Variants in SPECC1 observed in about 807,000 individuals in gnomAD.
The protein encoded by SPECC1 is sperm antigen with calponin homology and coiled-coil domains 1, also known as cytospin-B.
SPECC1 carries 62 observed loss-of-function variants against 104.1 expected under a neutral mutation model. The ratio of observed to expected loss-of-function variants is 0.60; its 90% CI spans 0.49 to 0.74. SPECC1 has a LOEUF of 0.74. Among genes scored for constraint, SPECC1 ranks in the 30% least tolerant of loss-of-function variants. The probability of loss-of-function intolerance (pLI) is 0.00; values close to 1 mark genes in which losing one functional copy is unlikely to be tolerated. For missense variants in SPECC1, 1,306 were observed against 1,310.5 expected, an observed-to-expected ratio of 1.00 and a Z score of 0.05; for synonymous variants, 513 against 501.6, an observed-to-expected ratio of 1.02 and a Z score of -0.30.
At chr17:20,061,974 T>C (rs2046199254) in intron 1 of SPECC1, among the ~76,000 whole-genome samples, 2 of 152,182 alleles carry the variant, frequency 1.3e-5, no homozygotes, top group Non-Finnish European at 2.9e-5. Flanking sequence ...TCAAATTATT[T>C]TGTGGCCGGG....
At chr17:20,296,848 T>C (rs1160025226) in intron 12 of SPECC1, 113 bp from the exon 13 acceptor site, 2 of 949,844 alleles carry the variant, frequency 2.1e-6, no homozygotes, top group African/African-American at 3.2e-5. Flanking sequence ...GGAATGCTTG[T>C]GATTTTTGCA....
At chr17:20,125,361 C>T (rs888308138) in intron 3 of SPECC1, among the ~76,000 whole-genome samples, 1 of 152,138 alleles carries the variant, frequency 6.6e-6, no homozygotes, top group African/African-American at 2.4e-5. Flanking sequence ...ATCATAAGTT[C>T]GGAACTGTCT....
intron 1 of SPECC1, among the ~76,000 whole-genome samples, chr17:20,025,055 C>T (rs542675692): frequency 1.3e-5 from 2 of 152,336 alleles, no homozygotes; most frequent in Admixed American, 6.5e-5. Context: ...AGTCAGTGTT[C>T]CCTCTTCCCT....
chr17:20,298,714 G>A (rs962302852), intron 13 of SPECC1, among the ~76,000 whole-genome samples: 9 of 152,066 alleles, frequency 5.9e-5, no homozygotes, highest in African/African-American at 2.2e-4. Flanking sequence ...AGGAGGAGAG[G>A]AAGGAGTCAA....
At chr17:20,042,141 TAGA>T (rs1025880300) in intron 1 of SPECC1, among the ~76,000 whole-genome samples, 1 of 152,210 alleles carries the variant, frequency 6.6e-6, no homozygotes, top group African/African-American at 2.4e-5. Flanking sequence ...ACCATTGTAG[TAGA>T]AGAAGGGGGA....
In SPECC1 at chr17:20,315,033, A is replaced by G. The variant is rs2042022327; in HGVS notation, c.*968A>G. 2 of 232,348 alleles carry G rather than the reference A, an allele frequency of 8.6e-6. No individual in the cohort carries two copies. The highest frequency in any genetic ancestry group is 6.1e-5 in the East Asian group (1 of 16,476). The allele number at this position is 232,348 out of a possible 1,614,324, so 14.4% of individuals were successfully genotyped here. On this transcript the variant is annotated 3_prime_UTR_variant, in exon 15 of 15. Transcript: ENST00000395527. ...TCGTCACCTGCGCCTTTGTCCTCCC[A>G]TTCGTTTACCCTCCCGTTCACATCC...
rs534346787 is a variant in SPECC1 at position 20,259,098 on chromosome 17, A to G, written c.2838-1094A>G. On this transcript the variant is annotated intron_variant, in intron 11 of 14. Coordinates refer to ENST00000395527, the MANE Select transcript of SPECC1 (RefSeq NM_001243439.2). ...TTTAATAAATCTTATAATCACAAAT[A>G]TGGGTATTATAGAAGGATTTATAAA... Among the ~76,000 whole-genome samples the G allele has an allele frequency of 8.4e-4, 128 of 152,362 alleles. 1 individual carries two copies. The highest frequency in any genetic ancestry group is 2.1e-4 in the South Asian group (1 of 4,822).
chr17:20,124,786 AATC>A (rs914750847), intron 3 of SPECC1, among the ~76,000 whole-genome samples: 2 of 152,204 alleles, frequency 1.3e-5, no homozygotes, highest in Non-Finnish European at 2.9e-5. Context: ...ATTTGGGCAA[AATC>A]ATCTAACACA....
At chr17:20,151,455 A>T (rs915929421) in intron 3 of SPECC1, among the ~76,000 whole-genome samples, 1 of 152,212 alleles carries the variant, frequency 6.6e-6, no homozygotes, top group African/African-American at 2.4e-5. Context: ...TCAGTTTACA[A>T]TGGGTTATTG....
rs550231103 is a variant in SPECC1 at position 20,037,329 on chromosome 17, T to G, written c.-22+27905T>G. ...ACCCTGCCTGGCTAATTTTTGTATTTTAGTAGAGACAGGGTTTTACCATGT... is the reference window on the plus strand; with the variant it reads ...ACCCTGCCTGGCTAATTTTTGTATTGTAGTAGAGACAGGGTTTTACCATGT... On this transcript the variant is annotated intron_variant, in intron 1 of 14. Coordinates refer to ENST00000395527, the MANE Select transcript of SPECC1 (RefSeq NM_001243439.2). Among the ~76,000 whole-genome samples, 9 of 152,210 alleles carry G rather than the reference T, an allele frequency of 5.9e-5. 1 individual carries two copies. In the South Asian group the frequency reaches 1.9e-3, roughly 32 times the overall value.
rs2042069090 is a variant in SPECC1 at position 20,318,709 on chromosome 17, C to T, written c.*4644C>T. ...ACATGCAGTAAAGGACATAACCTCACAGCCTTTTTAGAAGCATTTCGAATA... is the reference window on the plus strand; with the variant it reads ...ACATGCAGTAAAGGACATAACCTCATAGCCTTTTTAGAAGCATTTCGAATA... On this transcript the variant is annotated 3_prime_UTR_variant, in exon 15 of 15. Transcript: ENST00000395527. 1.3e-5 allele frequency: 3 copies of T among 225,406 alleles called. No individual in the cohort carries two copies. Among genetic ancestry groups the T allele is most frequent in the African/African-American group, 6.7e-5 (3 of 45,028 alleles). 14.0% of individuals were successfully genotyped at this position (225,406 alleles called of 1,614,324 possible). A position where few individuals can be genotyped will look rare whatever the true frequency, so the allele number is the denominator to read the frequency against.
intron 3 of SPECC1, among the ~76,000 whole-genome samples, chr17:20,140,160 A>T (rs1971044): frequency 0.19 from 29,501 of 152,166 alleles, 3,048 homozygotes; most frequent in African/African-American, 0.26. Context: ...ACCTAAAAAA[A>T]TTAAACTATA....
intron 3 of SPECC1, among the ~76,000 whole-genome samples, chr17:20,201,080 T>TA (rs2036399716): frequency 6.6e-6 from 1 of 151,932 alleles, no homozygotes; most frequent in South Asian, 2.1e-4. Flanking sequence ...AGGAAGGTGT[T>TA]AAACTGTAGC....
intron 3 of SPECC1, among the ~76,000 whole-genome samples, chr17:20,113,428 CT>C (rs1383340572): frequency 6.6e-6 from 1 of 151,968 alleles, no homozygotes; most frequent in Non-Finnish European, 1.5e-5. Context: ...ATTGTAAAAA[CT>C]TTACGAAAAC....
At position 20,172,693 on chromosome 17, in the gene SPECC1, A is replaced by G. The variant is rs536736387; in HGVS notation, c.284-31640A>G. ...AGAGTGAGGACTGAAGCCAGGGGGA[A>G]GAAACATGGAAGTGTGCTGTAAGCT... On this transcript the variant is annotated intron_variant, in intron 3 of 14. Coordinates refer to ENST00000395527, the MANE Select transcript of SPECC1 (RefSeq NM_001243439.2). 5.1e-4 allele frequency among the ~76,000 whole-genome samples: 78 copies of G among 152,304 alleles called. 2 individuals are homozygous for G. The South Asian group carries it at 0.015, about 29-fold the overall frequency.
At chr17:20,217,804 C>G (rs989279005) in intron 4 of SPECC1, among the ~76,000 whole-genome samples, 5 of 152,270 alleles carry the variant, frequency 3.3e-5, no homozygotes, top group Non-Finnish European at 7.4e-5. Flanking sequence ...AATCCCAGCA[C>G]TTGGGAGGCC....
intron 1 of SPECC1, among the ~76,000 whole-genome samples, chr17:20,044,021 G>A (rs1284041272): frequency 1.3e-5 from 2 of 151,984 alleles, no homozygotes; most frequent in East Asian, 3.9e-4. Context: ...GAACAGAGGA[G>A]GATTTAATAA....
intron 3 of SPECC1, among the ~76,000 whole-genome samples, chr17:20,187,532 G>C (rs1406071804): frequency 6.6e-6 from 1 of 152,168 alleles, no homozygotes; most frequent in Non-Finnish European, 1.5e-5. Context: ...TATTGATGAA[G>C]GTGACCTGTG....
intron 3 of SPECC1, among the ~76,000 whole-genome samples, chr17:20,194,826 C>A (rs988727696): frequency 6.6e-6 from 1 of 151,934 alleles, no homozygotes; most frequent in East Asian, 1.9e-4. Flanking sequence ...TCTTATTGCA[C>A]CTTTGCAAAT....
Sources: gnomAD v4.1 joint callset for allele counts (sites outside exome capture counted in the v4.1 genomes callset) on GRCh38, gnomAD v4.1.1 for gene constraint, MANE v1.5 for transcripts, NCBI Gene and HGNC (gene_info 2026-07-23, HGNC 2026-07-21) for gene names.